CLASP2: variants seen among roughly 807,000 people sequenced by gnomAD.
CLASP2 encodes cytoplasmic linker associated protein 2, also known as CLIP-associating protein 2.
In CLASP2, 47 loss-of-function variants were observed where a neutral mutation model predicts 194.4. The observed-to-expected ratio is 0.24, with a 90% CI of 0.19 to 0.31. The LOEUF (loss-of-function observed/expected upper bound fraction) is 0.31, where lower values mean the gene tolerates loss of function less well. Among genes scored for constraint, CLASP2 ranks in the 10% least tolerant of loss-of-function variants. The pLI is 1.00. For synonymous variants in CLASP2, 619 were observed against 633.5 expected, an observed-to-expected ratio of 0.98 and a Z score of 0.34; for missense variants, 1,445 against 1,823.6, an observed-to-expected ratio of 0.79 and a Z score of 3.78.
intron 33 of CLASP2, among the ~76,000 whole-genome samples, chr3:33,536,829 T>C (rs1160047167): frequency 6.6e-6 from 1 of 152,196 alleles, no homozygotes; most frequent in Admixed American, 6.5e-5. Context: ...AGATTTGGTA[T>C]GGAGGATGAG....
At chr3:33,648,129 A>G (rs1203612957) in intron 7 of CLASP2, among the ~76,000 whole-genome samples, 1 of 152,192 alleles carries the variant, frequency 6.6e-6, no homozygotes, top group Admixed American at 6.5e-5. Context: ...AGAAAAATAA[A>G]ACAAGTGGAT....
At chr3:33,520,958 C>A (rs368019020) in intron 34 of CLASP2, among the ~76,000 whole-genome samples, 2 of 151,800 alleles carry the variant, frequency 1.3e-5, no homozygotes, top group Non-Finnish European at 2.9e-5. Flanking sequence ...TTAAAATCAT[C>A]TTCCCTTAAT....
intron 1 of CLASP2, among the ~76,000 whole-genome samples, chr3:33,703,215 G>A (rs1484861550): frequency 1.3e-5 from 2 of 152,096 alleles, no homozygotes; most frequent in South Asian, 2.1e-4. Flanking sequence ...TCTGATAAAA[G>A]ACTGTAATGC....
At chr3:33,522,989 T>C (rs1182301168) in intron 34 of CLASP2, among the ~76,000 whole-genome samples, 7 of 152,182 alleles carry the variant, frequency 4.6e-5, no homozygotes, top group African/African-American at 7.2e-5. Context: ...GACAGGAGAA[T>C]GGCACGAACC....
intron 27 of CLASP2, 148 bp from the exon 28 acceptor site, chr3:33,561,119 A>G: frequency 1.5e-6 from 1 of 687,246 alleles, no homozygotes; most frequent in Non-Finnish European, 2.4e-6. Flanking sequence ...CTTGCTTTTC[A>G]TTGGACTCTG....
At chr3:33,668,973 C>T (rs959571681) in intron 6 of CLASP2, among the ~76,000 whole-genome samples, 4 of 152,084 alleles carry the variant, frequency 2.6e-5, no homozygotes, top group Non-Finnish European at 5.9e-5. Flanking sequence ...GTATTAGCTA[C>T]CTGCATATGA....
chr3:33,631,862 G>A (rs78141332), intron 9 of CLASP2, among the ~76,000 whole-genome samples: 2 of 38,818 alleles, frequency 5.2e-5, no homozygotes, highest in South Asian at 6.9e-4. Flanking sequence ...TAAAAAAAAA[G>A]CACTGAGTAA....
chr3:33,505,582 C>T (rs2047949162), intron 37 of CLASP2: 1 of 152,028 alleles, frequency 6.6e-6, no homozygotes, highest in Admixed American at 6.6e-5. Context: ...TAGAATCATG[C>T]TACAATAATA....
At chr3:33,671,807 G>A (rs2087283343) in intron 6 of CLASP2, among the ~76,000 whole-genome samples, 2 of 152,222 alleles carry the variant, frequency 1.3e-5, no homozygotes, top group South Asian at 2.1e-4. Context: ...ACCTGGCTCG[G>A]AGGGTCCTAC....
chr3:33,677,583 T>G, intron 6 of CLASP2, among the ~76,000 whole-genome samples: 2 of 143,506 alleles, frequency 1.4e-5, no homozygotes, highest in South Asian at 4.7e-4. Context: ...AGGGATAGCA[T>G]TGGGAGATAT....
At chr3:33,652,562 C>T (rs1273276148) in intron 7 of CLASP2, among the ~76,000 whole-genome samples, 1 of 152,202 alleles carries the variant, frequency 6.6e-6, no homozygotes, top group Non-Finnish European at 1.5e-5. Context: ...TTCTCCTTCT[C>T]TCCAGACTAT....
chr3:33,596,789 T>C lies in CLASP2; in HGVS notation c.1925-55A>G, dbSNP rs192561530. The C allele has an allele frequency of 5.7e-3, 7,677 of 1,350,620 alleles. 37 individuals are homozygous for C. The highest frequency in any genetic ancestry group is 7.4e-3 in the Non-Finnish European group (7,162 of 973,684). The allele number at this position is 1,350,620 out of a possible 1,614,324, so 83.7% of individuals were successfully genotyped here. On this transcript the variant is annotated intron_variant, in intron 18 of 38. Coordinates refer to ENST00000682230, the MANE Select transcript of CLASP2 (RefSeq NM_001365631.1). ...GGAAAACTTAGTATATTAGAAGAAA[T>C]GATTTTTATAATTCCTAGAAAACAT...
chr3:33,684,509 A>G, intron 5 of CLASP2, 53 bp from the exon 6 acceptor site: 1 of 1,219,484 alleles, frequency 8.2e-7, no homozygotes, highest in Non-Finnish European at 1.2e-6. Flanking sequence ...ACAATAAAAT[A>G]CTTCATCTCA....
intron 37 of CLASP2, chr3:33,503,768 C>T (rs2047406094): frequency 6.6e-6 from 1 of 152,178 alleles, no homozygotes; most frequent in Non-Finnish European, 1.5e-5. Flanking sequence ...CTGCATTCCA[C>T]AGCAGCTGTA....
chr3:33,537,653 G>C (rs1417847938), intron 33 of CLASP2, among the ~76,000 whole-genome samples: 1 of 152,094 alleles, frequency 6.6e-6, no homozygotes, highest in Non-Finnish European at 1.5e-5. Context: ...TTACTTAAGT[G>C]TAATGATGTG....
At chr3:33,649,304 T>G (rs986926358) in intron 7 of CLASP2, among the ~76,000 whole-genome samples, 1 of 152,236 alleles carries the variant, frequency 6.6e-6, no homozygotes, top group Non-Finnish European at 1.5e-5. Flanking sequence ...CTAGCACTTA[T>G]CATCTATATA....
chr3:33,580,988 T>C lies in CLASP2; in HGVS notation c.2347+833A>G, dbSNP rs1179053855. 1.9e-4 allele frequency among the ~76,000 whole-genome samples: 24 copies of C among 128,142 alleles called. No homozygotes were observed. The South Asian group carries it at 5.6e-3, about 30-fold the overall frequency. 84.1% of individuals were successfully genotyped at this position (128,142 alleles called of 152,430 possible). On this transcript the variant is annotated intron_variant, in intron 23 of 38. Coordinates refer to ENST00000682230, the MANE Select transcript of CLASP2 (RefSeq NM_001365631.1). ...CCGAGATCGTGCCACTGCACTCCAG[T>C]CTGGGTGACAGAGCGAGACTCCGTC...
At chr3:33,698,120 C>T (rs2092089899) in intron 1 of CLASP2, among the ~76,000 whole-genome samples, 1 of 152,146 alleles carries the variant, frequency 6.6e-6, no homozygotes, top group African/African-American at 2.4e-5. Context: ...GGGAAGGAAA[C>T]CGCTGCCTGT....
chr3:33,503,159 C>T (rs901900215), intron 37 of CLASP2: 4 of 151,988 alleles, frequency 2.6e-5, no homozygotes, highest in South Asian at 2.1e-4. Flanking sequence ...GTTAGGGAAT[C>T]GCATGGCAGA....
Sources: gnomAD v4.1 joint callset for allele counts (sites outside exome capture counted in the v4.1 genomes callset) on GRCh38, gnomAD v4.1.1 for gene constraint, MANE v1.5 for transcripts, NCBI Gene and HGNC (gene_info 2026-07-23, HGNC 2026-07-21) for gene names.